SLIT2: variants seen among roughly 807,000 people sequenced by gnomAD.
SLIT2 encodes the protein slit guidance ligand 2.
Under a neutral mutation model 185.7 loss-of-function variants are expected in SLIT2, and 41 were observed. The ratio of observed to expected loss-of-function variants is 0.22; its 90% CI spans 0.17 to 0.29. SLIT2 has a LOEUF of 0.29. Ranked by LOEUF, SLIT2 falls within the 10% of genes least tolerant of loss-of-function variation. SLIT2 has a pLI of 1.00. For synonymous variants in SLIT2, 693 were observed against 680.2 expected, an observed-to-expected ratio of 1.02 and a Z score of -0.29; for missense variants, 1,571 against 1,909.0, an observed-to-expected ratio of 0.82 and a Z score of 3.30.
chr4:20,494,147 A>C (rs988625528), intron 9 of SLIT2, among the ~76,000 whole-genome samples: 1 of 152,226 alleles, frequency 6.6e-6, no homozygotes, highest in Non-Finnish European at 1.5e-5. Flanking sequence ...ACAAAAGGAG[A>C]GAATGCAAGG....
At chr4:20,345,769 C>T (rs1371094305) in intron 4 of SLIT2, among the ~76,000 whole-genome samples, 1 of 151,920 alleles carries the variant, frequency 6.6e-6, no homozygotes, top group South Asian at 2.1e-4. Flanking sequence ...CTCCTGACCT[C>T]ATGATCCACC....
chr4:20,599,579 T>C (rs1323920357), intron 33 of SLIT2, among the ~76,000 whole-genome samples: 1 of 152,170 alleles, frequency 6.6e-6, no homozygotes, highest in Non-Finnish European at 1.5e-5. Flanking sequence ...GAACCAATAG[T>C]AAATATTTGT....
At chr4:20,409,843 A>G (rs1424459609) in intron 4 of SLIT2, among the ~76,000 whole-genome samples, 2 of 151,878 alleles carry the variant, frequency 1.3e-5, no homozygotes, top group Admixed American at 1.3e-4. Context: ...TTTTTTTCAT[A>G]TGTTTGCTGG....
At chr4:20,381,850 A>G (rs769638574) in intron 4 of SLIT2, among the ~76,000 whole-genome samples, 1 of 152,062 alleles carries the variant, frequency 6.6e-6, no homozygotes, top group Non-Finnish European at 1.5e-5. Flanking sequence ...AATCAGAAAA[A>G]TTCATAACAA....
chr4:20,616,755 T>G, intron 34 of SLIT2, 155 bp from the exon 35 acceptor site: 1 of 702,642 alleles, frequency 1.4e-6, no homozygotes, highest in Non-Finnish European at 2.3e-6. Context: ...AACACACATC[T>G]CTACATCTCT....
At chr4:20,587,821 T>G (rs1162969461) in intron 29 of SLIT2, among the ~76,000 whole-genome samples, 3 of 152,224 alleles carry the variant, frequency 2.0e-5, no homozygotes, top group Non-Finnish European at 2.9e-5. Context: ...TGGGTTGGAT[T>G]GTATCAGAGT....
chr4:20,488,873 C>G lies in SLIT2; in HGVS notation c.666C>G (p.Asp222Glu). Residue 222 changes from aspartate to glutamate, a missense_variant, in exon 8 of 37, where the codon GAC (aspartate) becomes GAG (glutamate). By Grantham distance (45) the Asp-to-Glu change is conservative. Around this residue, in one of 3 missense-constraint regions of SLIT2, gnomAD observed 1,202 missense variants for 1,416.4 expected, o/e 0.85. Coordinates refer to ENST00000504154, the MANE Select transcript of SLIT2 (RefSeq NM_004787.4). ...YCDCHLAWLS[D>E]WLRQRPRVGL... The stretch of plus-strand genomic sequence containing the variant: ...ACTGCCACCTGGCCTGGCTCTCCGA[C>G]TGGCTTCGCCAAAGGCCTCGGGTTG... 1 of 1,611,818 alleles carries G rather than the reference C, an allele frequency of 6.2e-7. No individual in the cohort carries two copies. The highest frequency in any genetic ancestry group is 8.5e-7 in the Non-Finnish European group (1 of 1,178,166).
chr4:20,491,645 AT>A (rs1560471553), intron 8 of SLIT2, 115 bp from the exon 9 acceptor site: 1 of 805,010 alleles, frequency 1.2e-6, no homozygotes, highest in Non-Finnish European at 2.0e-6. Context: ...TTTTATCATC[AT>A]GTATTTAAAG....
At chr4:20,276,460 G>A (rs974030238) in intron 4 of SLIT2, among the ~76,000 whole-genome samples, 1 of 152,110 alleles carries the variant, frequency 6.6e-6, no homozygotes, top group African/African-American at 2.4e-5. Flanking sequence ...ACCAGTCCTT[G>A]ACAACACCTA....
chr4:20,493,152 C>T (rs1717929316), intron 9 of SLIT2, among the ~76,000 whole-genome samples: 1 of 152,058 alleles, frequency 6.6e-6, no homozygotes, highest in African/African-American at 2.4e-5. Flanking sequence ...ACATTGGCAG[C>T]AAAGAACAGA....
At chr4:20,524,692 C>T (rs780449237) in intron 14 of SLIT2, among the ~76,000 whole-genome samples, 2 of 152,092 alleles carry the variant, frequency 1.3e-5, no homozygotes, top group African/African-American at 4.8e-5. Context: ...TGCATACAAC[C>T]GTGAGGATGC....
At chr4:20,307,369 C>A in intron 4 of SLIT2, among the ~76,000 whole-genome samples, 1 of 151,234 alleles carries the variant, frequency 6.6e-6, no homozygotes. Flanking sequence ...CTCAAGCCAT[C>A]CTCCTGCCTC....
intron 3 of SLIT2, among the ~76,000 whole-genome samples, chr4:20,262,419 G>A (rs912523905): frequency 6.6e-6 from 1 of 151,736 alleles, no homozygotes; most frequent in Non-Finnish European, 1.5e-5. Context: ...GTTCATCAAG[G>A]ATCTGGATAT....
At chr4:20,344,220 C>G (rs1721199883) in intron 4 of SLIT2, among the ~76,000 whole-genome samples, 1 of 152,116 alleles carries the variant, frequency 6.6e-6, no homozygotes, top group East Asian at 1.9e-4. Context: ...GGCTTACAAT[C>G]CAGGAGAGTA....
intron 4 of SLIT2, among the ~76,000 whole-genome samples, chr4:20,416,650 T>G (rs1362129650): frequency 2.0e-5 from 3 of 152,234 alleles, no homozygotes; most frequent in African/African-American, 7.2e-5. Flanking sequence ...ATTATTTGTT[T>G]TAAAAGTGCT....
chr4:20,560,353 A>C (rs1396745933), intron 26 of SLIT2, among the ~76,000 whole-genome samples: 7 of 151,948 alleles, frequency 4.6e-5, no homozygotes, highest in African/African-American at 9.7e-5. Flanking sequence ...TAAAGACAAA[A>C]GTGTTTTCTT....
intron 4 of SLIT2, among the ~76,000 whole-genome samples, chr4:20,372,084 C>T (rs1244732724): frequency 6.6e-6 from 1 of 152,126 alleles, no homozygotes; most frequent in African/African-American, 2.4e-5. Flanking sequence ...ATTCTTCACC[C>T]ACTTTTAGAG....
intron 4 of SLIT2, among the ~76,000 whole-genome samples, chr4:20,453,180 T>A (rs1269803061): frequency 6.6e-6 from 1 of 152,216 alleles, no homozygotes; most frequent in Non-Finnish European, 1.5e-5. Flanking sequence ...GAACCTATTA[T>A]CCTTCTTTGT....
chr4:20,413,533 G>T (rs1405557875), intron 4 of SLIT2, among the ~76,000 whole-genome samples: 1 of 151,972 alleles, frequency 6.6e-6, no homozygotes, highest in Non-Finnish European at 1.5e-5. Flanking sequence ...ATAGTTGAAA[G>T]TTGGCTTTGA....
Sources: allele counts gnomAD v4.1 joint callset (sites outside exome capture counted in the v4.1 genomes callset), GRCh38; gene constraint gnomAD v4.1.1; regional missense constraint gnomAD v4.1.1; transcripts MANE v1.5; gene names NCBI Gene and HGNC (gene_info 2026-07-23, HGNC 2026-07-21).